Variants in IL17REL observed in about 807,000 individuals in gnomAD.
IL17REL encodes interleukin-17 receptor E-like protein.
A neutral mutation model predicts 49.0 loss-of-function variants in IL17REL; 36 were observed. The observed-to-expected ratio is 0.73, with a 90% CI of 0.56 to 0.97. The LOEUF (loss-of-function observed/expected upper bound fraction) is 0.97, where lower values mean the gene tolerates loss of function less well. Among genes scored for constraint, IL17REL ranks in the 50% least tolerant of loss-of-function variants. The probability of loss-of-function intolerance (pLI) is 0.00; values close to 1 mark genes in which losing one functional copy is unlikely to be tolerated. For synonymous variants in IL17REL, 206 were observed against 192.4 expected (o/e 1.07, Z -0.58); for missense variants, 470 against 453.9 (o/e 1.04, Z -0.32).
exon 2 of IL17REL, chr22:50,001,218 GT>G: frequency 7.0e-7 from 1 of 1,428,962 alleles, no homozygotes; most frequent in South Asian, 1.2e-5. Context: ...GGCAGAAGCT[GT>G]TAAAAATGTT....
chr22:49,996,912 TG>T, intron 12 of IL17REL, 52 bp from the exon 15 acceptor site: 1 of 665,638 alleles, frequency 1.5e-6, no homozygotes, highest in Non-Finnish European at 2.5e-6. Context: ...CCCCCGGGGA[TG>T]GGGGATGGGA....
chr22:49,997,115 G>A (rs2061040152), intron 11 of IL17REL, 41 bp from the exon 14 acceptor site: 4 of 1,551,046 alleles, frequency 2.6e-6, no homozygotes, highest in African/African-American at 2.7e-5. Context: ...GGGAGGAAGG[G>A]TGGATCAGGC....
chr22:50,008,595 A>G, intron 1 of IL17REL, 42 bp downstream of exon 2: 1 of 152,582 alleles, frequency 6.6e-6, no homozygotes. Flanking sequence ...TGGGGTGGGG[A>G]GTCCAGGCCC....
chr22:50,008,733 C>T (rs901866736), upstream of IL17REL: 8 of 152,594 alleles, frequency 5.2e-5, no homozygotes, highest in African/African-American at 1.4e-4. Context: ...CTGCTCCTGC[C>T]CTGTCCCTCA....
At chr22:50,000,777 G>A (rs895000525) in exon 3 of IL17REL, 3 of 1,597,276 alleles carry the variant, frequency 1.9e-6, no homozygotes, top group Non-Finnish European at 2.6e-6. Flanking sequence ...TGCTGCCGGT[G>A]GGAGGCCCTG....
chr22:50,006,164 T>G (rs2061109499), intron 1 of IL17REL, among the ~76,000 whole-genome samples: 1 of 151,980 alleles, frequency 6.6e-6, no homozygotes, highest in Non-Finnish European at 1.5e-5. Context: ...TGACCTGGGT[T>G]AGCCAGAGCT....
At chr22:50,000,018 C>T (rs1055841114) in intron 4 of IL17REL, 51 bp from the exon 7 acceptor site, 4 of 1,425,944 alleles carry the variant, frequency 2.8e-6, no homozygotes, top group East Asian at 2.9e-5. Context: ...GTCACCGACG[C>T]GGGGCTCTGT....
chr22:49,999,291 C>T (rs1342290074), exon 7 of IL17REL: 1 of 1,612,974 alleles, frequency 6.2e-7, no homozygotes, highest in South Asian at 1.1e-5. Flanking sequence ...GGACACTTGC[C>T]GTTTTCAAAG....
At chr22:49,992,988 G>C (rs2061013719), downstream of IL17REL, among the ~76,000 whole-genome samples, 1 of 152,108 alleles carries the variant, frequency 6.6e-6, no homozygotes. Flanking sequence ...CCCCACACTG[G>C]CACCAGCCAC....
chr22:49,996,159 C>A (rs1407750322), exon 13 of IL17REL: 1 of 152,288 alleles, frequency 6.6e-6, no homozygotes, highest in East Asian at 1.9e-4. Flanking sequence ...TTCCAGAGAC[C>A]CCTGCCTGGC....
At chr22:50,000,155 G>C (rs996913432) in intron 4 of IL17REL, among the ~76,000 whole-genome samples, 41 bp downstream of exon 6, 6 of 152,208 alleles carry the variant, frequency 3.9e-5, no homozygotes, top group African/African-American at 1.4e-4. Flanking sequence ...CTGTCGCAGC[G>C]TCTGAGGGTC....
At chr22:49,999,500 C>A in exon 6 of IL17REL, 5 of 1,604,804 alleles carry the variant, frequency 3.1e-6, no homozygotes, top group Non-Finnish European at 4.2e-6. Context: ...TGTTGGCGGT[C>A]ACCTGCAACC....
chr22:49,998,319 C>A lies in IL17REL; in HGVS notation c.602-10G>T. ...TCCAGTGCCTCAGTGTCTGCAGGAA[C>A]CCTCCCCGAAACACAGGTCAGTTGG... On this transcript the variant is annotated splice_polypyrimidine_tract_variant and intron_variant, in intron 7 of 12. Transcript: ENST00000341280. 1 of 1,590,448 alleles carries A rather than the reference C, an allele frequency of 6.3e-7. No homozygotes were observed. Among genetic ancestry groups the A allele is most frequent in the Non-Finnish European group, 8.6e-7 (1 of 1,168,822 alleles).
chr22:50,008,247 T>A (rs1182488511), intron 1 of IL17REL, among the ~76,000 whole-genome samples: 1 of 152,232 alleles, frequency 6.6e-6, no homozygotes, highest in Non-Finnish European at 1.5e-5. Context: ...TATAAATAGA[T>A]ACGCTGTTTA....
At chr22:49,999,591 C>T in intron 5 of IL17REL, 89 bp from the exon 8 acceptor site, 2 of 442,892 alleles carry the variant, frequency 4.5e-6, no homozygotes, top group Non-Finnish European at 7.3e-6. Context: ...GGGGCGGGAG[C>T]GGGGACGGGA....
chr22:49,997,982 C>A, intron 9 of IL17REL, 43 bp downstream of exon 11: 1 of 1,592,222 alleles, frequency 6.3e-7, no homozygotes. Context: ...GCCCCCTGGC[C>A]CCTCCCCAAA....
At chr22:49,998,055 C>A (rs958220060) in exon 9 of IL17REL, 7 of 1,592,884 alleles carry the variant, frequency 4.4e-6, no homozygotes, top group Non-Finnish European at 5.1e-6. Context: ...GGGTGTCCAC[C>A]AGCGGGTACT....
intron 1 of IL17REL, among the ~76,000 whole-genome samples, chr22:50,003,187 T>A (rs2061088389): frequency 6.6e-6 from 1 of 152,004 alleles, no homozygotes; most frequent in African/African-American, 2.4e-5. Context: ...AACACAGGCA[T>A]GTGAGGGAAC....
chr22:50,011,907 C>T (rs912531275), upstream of IL17REL, among the ~76,000 whole-genome samples: 6 of 152,250 alleles, frequency 3.9e-5, no homozygotes, highest in South Asian at 2.1e-4. Flanking sequence ...ATGCCAGGAA[C>T]GGTGCACCCA....
Sources: gnomAD v4.1 joint callset for allele counts (sites outside exome capture counted in the v4.1 genomes callset) on GRCh38, gnomAD v4.1.1 for gene constraint, MANE v1.5 for transcripts, NCBI Gene and HGNC (gene_info 2026-07-23, HGNC 2026-07-21) for gene names.